Variants in PTPRD observed in about 807,000 individuals in gnomAD.
PTPRD encodes the protein receptor-type tyrosine-protein phosphatase delta.
Under a neutral mutation model 214.5 loss-of-function variants are expected in PTPRD, and 34 were observed. The ratio of observed to expected loss-of-function variants is 0.16; its 90% CI spans 0.12 to 0.21. The LOEUF is 0.21. Ranked by LOEUF, PTPRD falls within the 10% of genes least tolerant of loss-of-function variation. The pLI, the probability that PTPRD is intolerant of heterozygous loss-of-function variation, is 1.00. For missense variants in PTPRD, 2,545 were observed against 2,398.7 expected (o/e 1.06, Z -1.27); for synonymous variants, 1,128 against 845.7 (o/e 1.33, Z -5.79).
intron 2 of PTPRD, among the ~76,000 whole-genome samples, chr9:10,611,908 C>G (rs923745821): frequency 2.7e-5 from 4 of 148,832 alleles, no homozygotes; most frequent in Admixed American, 6.7e-5. Flanking sequence ...CTTTTCCGCC[C>G]CCCCCCCCTT....
intron 9 of PTPRD, among the ~76,000 whole-genome samples, chr9:9,233,595 C>A (rs576531557): frequency 5.9e-5 from 9 of 152,276 alleles, no homozygotes; most frequent in African/African-American, 1.9e-4. Context: ...TCTCTTCTGC[C>A]TATTAGCCTG....
intron 3 of PTPRD, among the ~76,000 whole-genome samples, chr9:10,088,326 A>G (rs2154195742): frequency 6.6e-6 from 1 of 151,912 alleles, no homozygotes; most frequent in African/African-American, 2.4e-5. Flanking sequence ...AGCTGTGCTG[A>G]AAGAACTGAA....
At chr9:8,964,472 G>T (rs12351423) in intron 11 of PTPRD, among the ~76,000 whole-genome samples, 3 of 146,744 alleles carry the variant, frequency 2.0e-5, no homozygotes, top group African/African-American at 4.9e-5. Flanking sequence ...CTAGTTAGTA[G>T]CCTATTGATC....
At chr9:8,716,636 G>A (rs149348239) in intron 12 of PTPRD, among the ~76,000 whole-genome samples, 25 of 128,168 alleles carry the variant, frequency 2.0e-4, no homozygotes, top group East Asian at 5.8e-4. Flanking sequence ...AAACCTAGGG[G>A]ATGGTTCACA....
intron 3 of PTPRD, among the ~76,000 whole-genome samples, chr9:10,109,903 A>G (rs1350849903): frequency 6.6e-6 from 1 of 152,062 alleles, no homozygotes; most frequent in Non-Finnish European, 1.5e-5. Flanking sequence ...AAGCAGCCCC[A>G]AACTGTCAAA....
At chr9:10,507,555 A>C (rs1010301748) in intron 2 of PTPRD, among the ~76,000 whole-genome samples, 8 of 152,188 alleles carry the variant, frequency 5.3e-5, no homozygotes, top group African/African-American at 1.7e-4. Context: ...ACTATACTAC[A>C]AGACTACAGT....
intron 2 of PTPRD, among the ~76,000 whole-genome samples, chr9:10,541,382 C>A (rs565801807): frequency 1.3e-5 from 2 of 151,976 alleles, no homozygotes; most frequent in African/African-American, 2.4e-5. Context: ...ATACAGTCAC[C>A]AGGACCTTTA....
intron 34 of PTPRD, among the ~76,000 whole-genome samples, chr9:8,446,064 C>G (rs1027023409): frequency 6.6e-6 from 1 of 152,138 alleles, no homozygotes; most frequent in Non-Finnish European, 1.5e-5. Context: ...AAGCAATGTT[C>G]CTCTCCACAC....
intron 5 of PTPRD, among the ~76,000 whole-genome samples, chr9:9,926,968 T>A (rs1275750016): frequency 6.6e-6 from 1 of 152,262 alleles, no homozygotes; most frequent in African/African-American, 2.4e-5. Context: ...CTTAAGACTA[T>A]TAGTGTTGTG....
chr9:9,150,780 T>C (rs549495167), intron 10 of PTPRD, among the ~76,000 whole-genome samples: 3 of 152,278 alleles, frequency 2.0e-5, no homozygotes, highest in South Asian at 2.1e-4. Flanking sequence ...CCTGAAACTA[T>C]ATTTTTATAT....
chr9:9,272,468 T>C (rs1027186308), intron 9 of PTPRD, among the ~76,000 whole-genome samples: 6 of 151,262 alleles, frequency 4.0e-5, no homozygotes, highest in African/African-American at 1.2e-4. Context: ...GACCTCTTAA[T>C]CACACATCCC....
intron 36 of PTPRD, among the ~76,000 whole-genome samples, chr9:8,391,477 G>A (rs892104362): frequency 5.9e-5 from 9 of 152,128 alleles, no homozygotes; most frequent in Non-Finnish European, 1.3e-4. Context: ...CCAGATTACT[G>A]TAGATTCAAA....
At position 9,663,211 on chromosome 9, in the gene PTPRD, C is replaced by T. The variant is rs562295275; in HGVS notation, c.-287+71322G>A. Among the ~76,000 whole-genome samples the T allele has an allele frequency of 2.8e-3, 421 of 151,264 alleles. 2 individuals carry two copies. Among genetic ancestry groups the T allele is most frequent in the African/African-American group, 9.6e-3 (397 of 41,384 alleles). On this transcript the variant is annotated intron_variant, in intron 7 of 45. Coordinates refer to ENST00000381196, the MANE Select transcript of PTPRD (RefSeq NM_002839.4). ...TTTATCTCATAGGTCTTTTAATCTCCACATTACTCAGTAGTCATGGAAAGA... is the reference window on the plus strand; with the variant it reads ...TTTATCTCATAGGTCTTTTAATCTCTACATTACTCAGTAGTCATGGAAAGA...
intron 11 of PTPRD, among the ~76,000 whole-genome samples, chr9:8,993,118 T>A (rs768891563): frequency 6.6e-6 from 1 of 152,152 alleles, no homozygotes; most frequent in Non-Finnish European, 1.5e-5. Flanking sequence ...TTATGTTTTA[T>A]GTCATATGTT....
chr9:9,657,693 A>T (rs1308317031), intron 7 of PTPRD, among the ~76,000 whole-genome samples: 1 of 152,184 alleles, frequency 6.6e-6, no homozygotes, highest in Non-Finnish European at 1.5e-5. Flanking sequence ...TATTGGCAGA[A>T]TTTTTTTAAA....
In PTPRD at chr9:9,048,264, A is replaced by G. The variant is rs1300534792; in HGVS notation, c.-142-29529T>C. 5.3e-5 allele frequency among the ~76,000 whole-genome samples: 8 copies of G among 152,276 alleles called. No homozygotes were observed. The South Asian group carries it at 1.0e-3, about 20-fold the overall frequency. ...TTGGAGGTTCCTCAAAAAACTAAAA[A>G]TAGAGCTAACACATGATCCAGCAAT... is the stretch of plus-strand genomic sequence containing the variant. On this transcript the variant is annotated intron_variant, in intron 10 of 45. Transcript: ENST00000381196.
chr9:10,546,104 C>G (rs2130865190), intron 2 of PTPRD, among the ~76,000 whole-genome samples: 1 of 152,144 alleles, frequency 6.6e-6, no homozygotes, highest in East Asian at 1.9e-4. Context: ...TATAAATATC[C>G]CTTGGGACCA....
chr9:9,419,126 T>TACACACACACACAC (rs1367814167), intron 8 of PTPRD, among the ~76,000 whole-genome samples: 1 of 69,144 alleles, frequency 1.4e-5, no homozygotes, highest in Admixed American at 1.8e-4. Context: ...ATAGGCCCCT[T>TACACACACACACAC]ATACACACAC....
intron 7 of PTPRD, among the ~76,000 whole-genome samples, chr9:9,584,380 T>TATTATTATTATTATTATTATTATC (rs1214049296): frequency 4.0e-5 from 6 of 151,478 alleles, no homozygotes; most frequent in African/African-American, 1.4e-4. Context: ...TTATTATTAT[T>TATTATTATTATTATTATTATTATC]TGCTATGCTA....
Sources: gnomAD v4.1 joint callset for allele counts (sites outside exome capture counted in the v4.1 genomes callset) on GRCh38, gnomAD v4.1.1 for gene constraint, MANE v1.5 for transcripts, NCBI Gene and HGNC (gene_info 2026-07-23, HGNC 2026-07-21) for gene names.